AFG1L: variants seen among roughly 807,000 people sequenced by gnomAD.
The protein encoded by AFG1L is AFG1-like ATPase.
A neutral mutation model predicts 62.2 loss-of-function variants in AFG1L; 53 were observed. The observed-to-expected ratio is 0.85, with a 90% confidence interval of 0.68 to 1.07. The LOEUF is 1.07. AFG1L is among the 50% of genes least tolerant of loss of function. AFG1L has a pLI of 0.00. For missense variants in AFG1L, 555 were observed against 590.5 expected (o/e 0.94, Z 0.62); for synonymous variants, 228 against 210.3 (o/e 1.08, Z -0.73).
At chr6:108,347,268 G>T (rs1041942105) in intron 3 of AFG1L, among the ~76,000 whole-genome samples, 2 of 152,084 alleles carry the variant, frequency 1.3e-5, no homozygotes, top group Non-Finnish European at 2.9e-5. Flanking sequence ...CCATGTTAGG[G>T]TGCAAACATT....
intron 1 of AFG1L, among the ~76,000 whole-genome samples, chr6:108,301,946 ATTT>A (rs765549539): frequency 1.4e-5 from 2 of 141,394 alleles, no homozygotes; most frequent in Admixed American, 7.2e-5. Context: ...ATGAGACTAG[ATTT>A]TTTTTTTTTT....
intron 7 of AFG1L, among the ~76,000 whole-genome samples, chr6:108,405,417 C>G (rs1292163630): frequency 6.6e-6 from 1 of 152,164 alleles, no homozygotes; most frequent in Non-Finnish European, 1.5e-5. Flanking sequence ...ACAATCATAG[C>G]TTACTGCAGC....
At chr6:108,463,481 AT>A (rs957931161) in intron 8 of AFG1L, among the ~76,000 whole-genome samples, 10 of 148,502 alleles carry the variant, frequency 6.7e-5, no homozygotes, top group African/African-American at 2.2e-4. Context: ...AAGTATTTTT[AT>A]ATCTACCAAG....
At chr6:108,402,501 C>T (rs1781678776) in intron 7 of AFG1L, among the ~76,000 whole-genome samples, 3 of 147,340 alleles carry the variant, frequency 2.0e-5, no homozygotes, top group South Asian at 2.1e-4. Flanking sequence ...GGAGACTTGC[C>T]AGGGCAACAC....
chr6:108,514,551 T>C (rs947124550), intron 11 of AFG1L, among the ~76,000 whole-genome samples: 4 of 152,106 alleles, frequency 2.6e-5, no homozygotes, highest in African/African-American at 7.2e-5. Flanking sequence ...ACATGTCAAA[T>C]TGTAAAGACC....
At chr6:108,468,331 GAT>G (rs1772751421) in intron 8 of AFG1L, among the ~76,000 whole-genome samples, 1 of 152,154 alleles carries the variant, frequency 6.6e-6, no homozygotes. Flanking sequence ...TAGTTTGAAT[GAT>G]CACGGTTATC....
At position 108,390,664 on chromosome 6, in the gene AFG1L, G is replaced by A. The variant is rs560214853; in HGVS notation, c.749-11332G>A. Reference sequence around the variant, plus strand: ...CGCTGTTTGCCTGGGCATCAGCATTGGAGGCTGCAAACAGCGAATATTGCT... The same window carrying A: ...CGCTGTTTGCCTGGGCATCAGCATTAGAGGCTGCAAACAGCGAATATTGCT... On this transcript the variant is annotated intron_variant, in intron 6 of 12. Transcript: ENST00000368977. 2.0e-5 allele frequency among the ~76,000 whole-genome samples: 3 copies of A among 152,292 alleles called. No homozygotes were observed. In the East Asian group the frequency reaches 5.8e-4, roughly 29 times the overall value.
intron 7 of AFG1L, among the ~76,000 whole-genome samples, chr6:108,406,815 T>C (rs1469598703): frequency 6.6e-6 from 1 of 152,206 alleles, no homozygotes; most frequent in African/African-American, 2.4e-5. Context: ...TTGTGGATCT[T>C]ATTTGAACTT....
intron 7 of AFG1L, among the ~76,000 whole-genome samples, chr6:108,419,011 G>T (rs1770464296): frequency 6.6e-6 from 1 of 151,862 alleles, no homozygotes; most frequent in Admixed American, 6.6e-5. Context: ...TTTCCATTTG[G>T]GTAAAAATCT....
chr6:108,383,656 A>T (rs1204944612), intron 6 of AFG1L, among the ~76,000 whole-genome samples: 3 of 152,156 alleles, frequency 2.0e-5, no homozygotes, highest in East Asian at 1.9e-4. Context: ...ATAAATGATA[A>T]TTTTGTTCCC....
chr6:108,447,984 A>C (rs1454251267), intron 8 of AFG1L, among the ~76,000 whole-genome samples: 3 of 152,200 alleles, frequency 2.0e-5, no homozygotes, highest in Non-Finnish European at 2.9e-5. Flanking sequence ...CTGTCTAAGG[A>C]CTAATTGTAA....
At chr6:108,351,709 T>C (rs1779086605) in intron 3 of AFG1L, among the ~76,000 whole-genome samples, 1 of 152,172 alleles carries the variant, frequency 6.6e-6, no homozygotes, top group Non-Finnish European at 1.5e-5. Flanking sequence ...AAAAAATGTA[T>C]TCAATTGTTT....
intron 7 of AFG1L, among the ~76,000 whole-genome samples, chr6:108,408,583 A>G (rs1482785094): frequency 6.6e-6 from 1 of 152,172 alleles, no homozygotes; most frequent in East Asian, 1.9e-4. Flanking sequence ...TTGCCTCTAG[A>G]TAGAAAGCCA....
chr6:108,333,013 C>G (rs1024899147), intron 2 of AFG1L, among the ~76,000 whole-genome samples: 1 of 152,178 alleles, frequency 6.6e-6, no homozygotes, highest in Non-Finnish European at 1.5e-5. Context: ...AACACTGATA[C>G]ATTTGACTAT....
chr6:108,323,693 G>T, intron 1 of AFG1L, 132 bp from the exon 2 acceptor site: 1 of 618,056 alleles, frequency 1.6e-6, no homozygotes, highest in Non-Finnish European at 2.8e-6. Flanking sequence ...TTATCAAAAT[G>T]ACATTTACAA....
At chr6:108,433,697 A>G (rs1214557590) in intron 7 of AFG1L, among the ~76,000 whole-genome samples, 1 of 152,026 alleles carries the variant, frequency 6.6e-6, no homozygotes, top group East Asian at 1.9e-4. Context: ...AGTTCAAGCG[A>G]TTCTCCTGCC....
intron 11 of AFG1L, among the ~76,000 whole-genome samples, chr6:108,517,844 G>GAT (rs1353931427): frequency 3.3e-5 from 5 of 152,108 alleles, no homozygotes; most frequent in African/African-American, 1.2e-4. Context: ...GTGGGTGAAG[G>GAT]ATATGAACAG....
chr6:108,311,145 G>A (rs2114838888), intron 1 of AFG1L, among the ~76,000 whole-genome samples: 1 of 152,246 alleles, frequency 6.6e-6, no homozygotes, highest in Non-Finnish European at 1.5e-5. Flanking sequence ...GGGCTCCCTT[G>A]TACTCCTCCA....
At chr6:108,401,894 C>CT (rs1055615603) in intron 6 of AFG1L, 102 bp from the exon 7 acceptor site, 405 of 555,680 alleles carry the variant, frequency 7.3e-4, no homozygotes, top group Middle Eastern at 1.9e-3. Flanking sequence ...GCTCCTTTAT[C>CT]TTTTTTTTTA....
Sources: gnomAD v4.1 joint callset for allele counts (sites outside exome capture counted in the v4.1 genomes callset) on GRCh38, gnomAD v4.1.1 for gene constraint, MANE v1.5 for transcripts, NCBI Gene and HGNC (gene_info 2026-07-23, HGNC 2026-07-21) for gene names.